Variants in DHRSX observed in about 807,000 individuals in gnomAD.
DHRSX encodes the protein dehydrogenase/reductase X-linked, also known as polyprenol dehydrogenase.
A neutral mutation model predicts 34.0 loss-of-function variants in DHRSX; 31 were observed. The ratio of observed to expected loss-of-function variants is 0.91; its 90% CI spans 0.69 to 1.23. DHRSX has a LOEUF of 1.23. DHRSX is among the 50% of genes most tolerant of loss of function. The pLI is 0.00. For missense variants in DHRSX, 414 were observed against 428.1 expected (o/e 0.97, Z 0.29); for synonymous variants, 201 against 183.8 (o/e 1.09, Z -0.76).
chrX:2,445,433 G>GA lies in DHRSX; in HGVS notation c.110-20130dup, dbSNP rs922652055. Among the ~76,000 whole-genome samples the GA allele has an allele frequency of 1.2e-3, 168 of 145,996 alleles. 1 individual carries two copies. Among genetic ancestry groups the GA allele is most frequent in the African/African-American group, 3.9e-3 (157 of 39,844 alleles). On this transcript the variant is annotated intron_variant, in intron 1 of 6. Coordinates refer to ENST00000334651, the MANE Select transcript of DHRSX (RefSeq NM_145177.3). Reference sequence around the variant, plus strand: ...CCTTCTTGGAAAATTTATCAATCAAGAAAAAAAAAAGCTTAACCATTACTG... The same window carrying GA: ...CCTTCTTGGAAAATTTATCAATCAAGAAAAAAAAAAAGCTTAACCATTACTG...
intron 1 of DHRSX, among the ~76,000 whole-genome samples, chrX:2,481,503 G>A (rs1255594382): frequency 6.6e-6 from 1 of 151,792 alleles, no homozygotes; most frequent in East Asian, 1.9e-4. Flanking sequence ...CCGTCTCTAC[G>A]AAAAATATAA....
intron 5 of DHRSX, among the ~76,000 whole-genome samples, chrX:2,266,249 G>A (rs1420000384): frequency 4.0e-4 from 54 of 136,236 alleles, no homozygotes; most frequent in Middle Eastern, 9.8e-3. Flanking sequence ...TCCAGCAGAC[G>A]CAGGGAGCAC....
At chrX:2,318,781 A>C (rs2099598410) in intron 3 of DHRSX, among the ~76,000 whole-genome samples, 1 of 152,050 alleles carries the variant, frequency 6.6e-6, no homozygotes, top group African/African-American at 2.4e-5. Flanking sequence ...CTGCTCTGCC[A>C]ATGGAGTGGC....
intron 2 of DHRSX, among the ~76,000 whole-genome samples, chrX:2,414,528 C>A (rs1241176944): frequency 9.9e-5 from 15 of 151,794 alleles, no homozygotes; most frequent in Non-Finnish European, 1.5e-4. Flanking sequence ...AAGACCAACC[C>A]AACTAGACCT....
At chrX:2,262,110 C>T (rs895808176) in intron 5 of DHRSX, among the ~76,000 whole-genome samples, 23 of 152,192 alleles carry the variant, frequency 1.5e-4, no homozygotes, top group African/African-American at 5.1e-4. Flanking sequence ...CCCCCACACA[C>T]CCAGCCCAGC....
intron 3 of DHRSX, among the ~76,000 whole-genome samples, chrX:2,319,931 C>T (rs1027550139): frequency 3.3e-5 from 5 of 151,532 alleles, no homozygotes; most frequent in African/African-American, 7.3e-5. Flanking sequence ...CGAATTCAAG[C>T]GATTCTCCTG....
chrX:2,438,015 A>G (rs1040006917), intron 1 of DHRSX, among the ~76,000 whole-genome samples: 4 of 150,886 alleles, frequency 2.7e-5, no homozygotes, highest in African/African-American at 9.8e-5. Context: ...GGGGAAAAAA[A>G]AAAAACTGAA....
intron 6 of DHRSX, among the ~76,000 whole-genome samples, chrX:2,222,461 T>C (rs1296050215): frequency 6.6e-6 from 1 of 152,214 alleles, no homozygotes; most frequent in Non-Finnish European, 1.5e-5. Flanking sequence ...TTTGTGAAAT[T>C]GCGAGAGTTT....
chrX:2,365,871 G>A (rs1236519998), intron 3 of DHRSX, among the ~76,000 whole-genome samples: 2 of 151,978 alleles, frequency 1.3e-5, no homozygotes, highest in South Asian at 2.1e-4. Flanking sequence ...CCTAGATGAC[G>A]GGTTGATAGG....
At chrX:2,393,564 A>C (rs1212957160) in intron 3 of DHRSX, among the ~76,000 whole-genome samples, 2 of 148,306 alleles carry the variant, frequency 1.3e-5, no homozygotes, top group Non-Finnish European at 3.0e-5. Flanking sequence ...CGGCGCACAC[A>C]GGACACCCAG....
intron 2 of DHRSX, among the ~76,000 whole-genome samples, chrX:2,409,594 G>A (rs1209271170): frequency 5.9e-5 from 9 of 152,132 alleles, no homozygotes; most frequent in Non-Finnish European, 8.8e-5. Flanking sequence ...CTGCACTTCC[G>A]TAAAACTCTC....
At chrX:2,326,365 A>C (rs902485367) in intron 3 of DHRSX, among the ~76,000 whole-genome samples, 2 of 152,082 alleles carry the variant, frequency 1.3e-5, no homozygotes, top group Non-Finnish European at 2.9e-5. Flanking sequence ...TCTACTAAAA[A>C]TACAAAAATT....
intron 1 of DHRSX, among the ~76,000 whole-genome samples, chrX:2,498,708 G>A (rs1488491199): frequency 6.6e-6 from 1 of 151,818 alleles, no homozygotes; most frequent in Non-Finnish European, 1.5e-5. Flanking sequence ...TTGGTGAGCT[G>A]CTGCAGGAAC....
intron 1 of DHRSX, among the ~76,000 whole-genome samples, chrX:2,469,617 G>A: frequency 6.7e-6 from 1 of 149,760 alleles, no homozygotes; most frequent in Non-Finnish European, 1.5e-5. Context: ...GGACTGCACT[G>A]ATGACGTTGC....
At chrX:2,399,629 C>T (rs772506240) in intron 3 of DHRSX, among the ~76,000 whole-genome samples, 1 of 150,626 alleles carries the variant, frequency 6.6e-6, no homozygotes, top group African/African-American at 2.4e-5. Flanking sequence ...TGGCTTGAAC[C>T]AGGGAGTCAG....
intron 3 of DHRSX, among the ~76,000 whole-genome samples, chrX:2,371,346 C>T (rs1422469320): frequency 1.5e-5 from 2 of 137,212 alleles, no homozygotes; most frequent in East Asian, 5.2e-4. Flanking sequence ...CCTTCCGTTA[C>T]CATAGTCCCT....
chrX:2,360,487 G>T, intron 3 of DHRSX, among the ~76,000 whole-genome samples: 1 of 152,142 alleles, frequency 6.6e-6, no homozygotes, highest in East Asian at 1.9e-4. Context: ...GGAGGCTGAG[G>T]CAGGAGAATC....
chrX:2,453,979 A>G (rs2044262354), intron 1 of DHRSX, among the ~76,000 whole-genome samples: 1 of 152,200 alleles, frequency 6.6e-6, no homozygotes, highest in Non-Finnish European at 1.5e-5. Context: ...TGATTTAATC[A>G]TTGCACAATG....
chrX:2,403,939 G>A lies in DHRSX; in HGVS notation c.286+4806C>T, dbSNP rs753379806. On this transcript the variant is annotated intron_variant, in intron 3 of 6. Transcript: ENST00000334651. ...TTCAGAATCTAATAAAATTAAGTTG[G>A]TGATTATAAATCATTGTTTCTTGGC... Among the ~76,000 whole-genome samples, 19 of 152,136 alleles carry A rather than the reference G, an allele frequency of 1.2e-4. No homozygotes were observed. In the South Asian group the frequency reaches 2.5e-3, roughly 20 times the overall value.
Sources: gnomAD v4.1 joint callset for allele counts (sites outside exome capture counted in the v4.1 genomes callset) on GRCh38, gnomAD v4.1.1 for gene constraint, MANE v1.5 for transcripts, NCBI Gene and HGNC (gene_info 2026-07-23, HGNC 2026-07-21) for gene names.